The following RUVBL1 variants were observed in gnomAD, a reference collection of about 807,000 sequenced individuals.
RUVBL1 encodes the protein RuvB like AAA ATPase 1, also known as ruvB-like 1.
In RUVBL1, 4 loss-of-function variants were observed where a neutral mutation model predicts 52.4. The observed-to-expected ratio is 0.08, with a 90% CI of 0.04 to 0.17. The LOEUF (loss-of-function observed/expected upper bound fraction) is 0.17. Among genes scored for constraint, RUVBL1 ranks in the 10% least tolerant of loss-of-function variants. The pLI is 1.00. For synonymous variants in RUVBL1, 217 were observed against 214.4 expected (o/e 1.01, Z -0.10); for missense variants, 298 against 572.8 (o/e 0.52, Z 4.90).
intron 4 of RUVBL1, among the ~76,000 whole-genome samples, chr3:128,102,844 A>C (rs1943135670): frequency 6.6e-6 from 1 of 152,236 alleles, no homozygotes; most frequent in Non-Finnish European, 1.5e-5. Flanking sequence ...ATCTGAATAA[A>C]GCTTTTAAAA....
At chr3:128,153,576 G>A (rs1391773805) in exon 1 of RUVBL1, 1 of 1,553,118 alleles carries the variant, frequency 6.4e-7, no homozygotes, top group Non-Finnish European at 8.6e-7. Flanking sequence ...AGACGGCGCT[G>A]GCGCGGGCGC....
chr3:128,122,314 C>T (rs148922210), intron 1 of RUVBL1, among the ~76,000 whole-genome samples: 32 of 152,214 alleles, frequency 2.1e-4, no homozygotes, highest in African/African-American at 7.2e-4. Flanking sequence ...GGGAGAGGGA[C>T]AGATGAAAAG....
At chr3:128,117,489 AG>A (rs767307308) in intron 2 of RUVBL1, among the ~76,000 whole-genome samples, 4 of 152,252 alleles carry the variant, frequency 2.6e-5, no homozygotes, top group Admixed American at 1.3e-4. Context: ...GTCCCCTGCA[AG>A]GGCAAAACTG....
intron 8 of RUVBL1, among the ~76,000 whole-genome samples, chr3:128,096,851 T>A (rs1942991582): frequency 6.6e-6 from 1 of 151,492 alleles, no homozygotes; most frequent in Admixed American, 6.6e-5. Flanking sequence ...AAGAAAATGC[T>A]GGTTTTGTTA....
exon 1 of RUVBL1, chr3:128,153,552 C>T: frequency 6.5e-7 from 1 of 1,530,904 alleles, no homozygotes. Context: ...TGCTGGGCCA[C>T]ATCGACAGCG....
chr3:128,076,711 A>G (rs2107663868), downstream of RUVBL1, among the ~76,000 whole-genome samples: 1 of 150,860 alleles, frequency 6.6e-6, no homozygotes, highest in East Asian at 2.0e-4. The surrounding 1 kb of genome is among the most constrained non-coding windows in gnomAD (Gnocchi z 6.8). Flanking sequence ...CTACATACAC[A>G]CGCGCGCGCG....
chr3:128,145,496 G>A (rs1177296901), intron 1 of RUVBL1, among the ~76,000 whole-genome samples: 1 of 152,244 alleles, frequency 6.6e-6, no homozygotes, highest in African/African-American at 2.4e-5. Flanking sequence ...GCCCCCAGAG[G>A]TCTGAGGAAG....
At chr3:128,109,659 A>C (rs1419759649) in intron 3 of RUVBL1, among the ~76,000 whole-genome samples, 1 of 151,134 alleles carries the variant, frequency 6.6e-6, no homozygotes, top group Non-Finnish European at 1.5e-5. Flanking sequence ...ACACCCAGCT[A>C]ATTTTTGTAT....
At chr3:128,094,968 C>T (rs35515217) in intron 8 of RUVBL1, among the ~76,000 whole-genome samples, 20,106 of 152,210 alleles carry the variant, frequency 0.13, 1,445 homozygotes, top group South Asian at 0.18. Context: ...AGCAAACAAC[C>T]GAATCTGCGT....
intron 4 of RUVBL1, among the ~76,000 whole-genome samples, chr3:128,102,717 T>C (rs1377000702): frequency 1.3e-5 from 2 of 152,248 alleles, no homozygotes; most frequent in Non-Finnish European, 2.9e-5. Context: ...AGGAGGATTC[T>C]TTTTGGGGCG....
chr3:128,093,208 T>G (rs1458460045), intron 8 of RUVBL1, among the ~76,000 whole-genome samples: 1 of 152,190 alleles, frequency 6.6e-6, no homozygotes, highest in Admixed American at 6.5e-5. Flanking sequence ...TGCTACAGCA[T>G]CATGCTAAGT....
chr3:128,131,209 A>G (rs1365054467), intron 1 of RUVBL1, among the ~76,000 whole-genome samples: 1 of 152,134 alleles, frequency 6.6e-6, no homozygotes, highest in Non-Finnish European at 1.5e-5. Flanking sequence ...AGATAAAAAC[A>G]TTATAAAACA....
At chr3:128,110,891 A>G (rs1279552624) in intron 3 of RUVBL1, among the ~76,000 whole-genome samples, 1 of 152,068 alleles carries the variant, frequency 6.6e-6, no homozygotes, top group Non-Finnish European at 1.5e-5. Flanking sequence ...TTTTTTAGCT[A>G]AAGACTTCTG....
At chr3:128,130,925 C>T (rs1018212538) in intron 1 of RUVBL1, among the ~76,000 whole-genome samples, 12 of 151,606 alleles carry the variant, frequency 7.9e-5, no homozygotes, top group African/African-American at 2.9e-4. Context: ...GCTGGGATTA[C>T]AGGCGTGAGC....
chr3:128,071,499 C>T (rs988943185), intron 9 of RUVBL1: 3 of 152,696 alleles, frequency 2.0e-5, no homozygotes, highest in African/African-American at 7.2e-5. Context: ...CCCCATAGTC[C>T]CGCCTGCAGC....
chr3:128,094,345 G>A (rs540272133), intron 8 of RUVBL1, among the ~76,000 whole-genome samples: 5 of 152,274 alleles, frequency 3.3e-5, no homozygotes, highest in East Asian at 3.9e-4. Flanking sequence ...AGGGGTGAGC[G>A]GCAAGAAGCC....
chr3:128,079,206 G>C (rs975327824), downstream of RUVBL1: 3 of 152,398 alleles, frequency 2.0e-5, no homozygotes, highest in African/African-American at 7.2e-5. Flanking sequence ...TCCTCTAGGT[G>C]GGTCACCTTC....
At chr3:128,124,634 G>A (rs1045500126), upstream of RUVBL1, among the ~76,000 whole-genome samples, 2 of 152,094 alleles carry the variant, frequency 1.3e-5, no homozygotes, top group East Asian at 1.9e-4. Flanking sequence ...CAACAAACAC[G>A]AGCCAGACAC....
intron 1 of RUVBL1, among the ~76,000 whole-genome samples, chr3:128,150,978 T>C (rs1448103309): frequency 2.1e-5 from 2 of 93,092 alleles, no homozygotes; most frequent in African/African-American, 9.0e-5. Context: ...TTATATATTA[T>C]ATATTCTATA....
Sources: allele counts gnomAD v4.1 joint callset (sites outside exome capture counted in the v4.1 genomes callset), GRCh38; gene constraint gnomAD v4.1.1; non-coding constraint Gnocchi (gnomAD v3.1); transcripts MANE v1.5; gene names NCBI Gene and HGNC (gene_info 2026-07-23, HGNC 2026-07-21).